Variants in ASPRV1 observed in about 807,000 individuals in gnomAD.
ASPRV1 encodes the protein aspartic peptidase retroviral like 1.
A neutral mutation model predicts 11.0 loss-of-function variants in ASPRV1; 7 were observed. That is an observed-to-expected ratio of 0.64 (90% CI 0.36 to 1.20). The LOEUF is 1.20. ASPRV1 is among the 50% of genes most tolerant of loss of function. ASPRV1 has a pLI of 0.02. For missense variants in ASPRV1, 299 were observed against 320.0 expected (o/e 0.93, Z 0.50); for synonymous variants, 136 against 138.4 (o/e 0.98, Z 0.12).
the ASPRV1 span, among the ~76,000 whole-genome samples, chr2:70,038,398 C>G: frequency 2.0e-5 from 3 of 152,086 alleles, no homozygotes; most frequent in Non-Finnish European, 4.4e-5. Context: ...GGCAACATAC[C>G]AAGACCCTGT....
chr2:69,938,345 G>T, the ASPRV1 span: 2 of 1,540,714 alleles, frequency 1.3e-6, no homozygotes, highest in African/African-American at 1.4e-5. Flanking sequence ...ATTAGGTAAC[G>T]TATTGGACCT....
chr2:69,982,364 G>A, the ASPRV1 span, among the ~76,000 whole-genome samples: 110 of 152,216 alleles, frequency 7.2e-4, no homozygotes, highest in African/African-American at 2.4e-3. Context: ...GCTGAGGAGG[G>A]AGGATCACTC....
upstream of ASPRV1, chr2:69,964,857 CTGTT>C (rs1370067431): frequency 6.6e-6 from 1 of 152,642 alleles, no homozygotes; most frequent in African/African-American, 2.4e-5. Flanking sequence ...TTCTTTTCTG[CTGTT>C]TTTTTGAAAT....
the ASPRV1 span, chr2:70,014,449 G>A: frequency 6.6e-6 from 1 of 152,086 alleles, no homozygotes; most frequent in African/African-American, 2.4e-5. Context: ...GAAAAAAAAG[G>A]AGACATATGG....
chr2:69,940,916 A>G, the ASPRV1 span: 3 of 152,634 alleles, frequency 2.0e-5, no homozygotes, highest in African/African-American at 7.2e-5. Context: ...TGATTCGCCA[A>G]TTTGTCCTCT....
the ASPRV1 span, among the ~76,000 whole-genome samples, chr2:70,028,934 C>T: frequency 1.3e-5 from 2 of 150,702 alleles, no homozygotes; most frequent in Admixed American, 6.6e-5. Context: ...AGAGAGACTC[C>T]GTCTCCAAAA....
chr2:70,059,096 G>A, the ASPRV1 span, among the ~76,000 whole-genome samples: 4 of 150,318 alleles, frequency 2.7e-5, no homozygotes, highest in African/African-American at 9.8e-5. Flanking sequence ...TTTTCACCAC[G>A]TTAGCCAGGA....
At position 69,961,621 on chromosome 2, in the gene ASPRV1, G is replaced by A; in HGVS notation, c.-185C>T. On this transcript the variant is annotated 5_prime_UTR_variant, in exon 1 of 1. Coordinates refer to ENST00000320256, the MANE Select transcript of ASPRV1 (RefSeq NM_152792.4). The stretch of plus-strand genomic sequence containing the variant: ...CTGGCTGACTGCTGGGGCAGAGGCA[G>A]GCAGTGCTGTGGCCTGTTCACTCTG... The A allele has an allele frequency of 6.2e-7, 1 of 1,607,626 alleles. No homozygotes were observed. The highest frequency in any genetic ancestry group is 8.5e-7 in the Non-Finnish European group (1 of 1,176,380).
chr2:69,988,202 ATAT>A, the ASPRV1 span, among the ~76,000 whole-genome samples: 2 of 152,240 alleles, frequency 1.3e-5, no homozygotes, highest in Non-Finnish European at 2.9e-5. Context: ...ATTCAAACAG[ATAT>A]TTGCGCACCC....
the ASPRV1 span, chr2:70,086,438 C>G: frequency 3.9e-5 from 6 of 152,278 alleles, no homozygotes; most frequent in African/African-American, 1.4e-4. Context: ...AACTCATAGG[C>G]CAGCGTCTTG....
the ASPRV1 span, among the ~76,000 whole-genome samples, chr2:70,012,786 T>C: frequency 6.6e-6 from 1 of 152,216 alleles, no homozygotes; most frequent in African/African-American, 2.4e-5. Context: ...ACCTGATTGT[T>C]TGAATTACAA....
chr2:70,077,551 T>C, the ASPRV1 span, among the ~76,000 whole-genome samples: 1 of 152,188 alleles, frequency 6.6e-6, no homozygotes, highest in African/African-American at 2.4e-5. Flanking sequence ...TAAATAGTAT[T>C]TACTTTAAAC....
chr2:70,005,031 C>T, the ASPRV1 span, among the ~76,000 whole-genome samples: 6 of 151,848 alleles, frequency 4.0e-5, no homozygotes, highest in African/African-American at 1.5e-4. Flanking sequence ...CCCATGCCAC[C>T]CTCACACAGA....
the ASPRV1 span, among the ~76,000 whole-genome samples, chr2:70,061,256 A>G: frequency 1.8e-4 from 28 of 152,144 alleles, no homozygotes; most frequent in South Asian, 5.8e-3. Flanking sequence ...TTAGCCGGGC[A>G]TGGTGGCGCA....
chr2:70,047,189 A>C, the ASPRV1 span, among the ~76,000 whole-genome samples: 3 of 152,190 alleles, frequency 2.0e-5, no homozygotes, highest in African/African-American at 7.2e-5. Flanking sequence ...TGGTTCCTGG[A>C]GTTCAGTTTA....
chr2:69,948,920 G>A, the ASPRV1 span, among the ~76,000 whole-genome samples: 1 of 151,950 alleles, frequency 6.6e-6, no homozygotes, highest in Non-Finnish European at 1.5e-5. Context: ...TGGACACCTG[G>A]GGGCCCCCAC....
chr2:69,963,267 T>C (rs143966346), upstream of ASPRV1: 72 of 456,142 alleles, frequency 1.6e-4, no homozygotes, highest in African/African-American at 1.3e-3. Context: ...GGAGGGGAAA[T>C]GGAGTCACCG....
the ASPRV1 span, among the ~76,000 whole-genome samples, chr2:69,969,609 G>A: frequency 6.6e-6 from 1 of 151,972 alleles, no homozygotes; most frequent in Non-Finnish European, 1.5e-5. Context: ...ACACTCTCCA[G>A]GCCAGGGACA....
At chr2:70,001,389 T>C in the ASPRV1 span, among the ~76,000 whole-genome samples, 1 of 150,882 alleles carries the variant, frequency 6.6e-6, no homozygotes, top group Non-Finnish European at 1.5e-5. Context: ...AGTTAGCCAA[T>C]GTGGTGGTGC....
Sources: allele counts gnomAD v4.1 joint callset (sites outside exome capture counted in the v4.1 genomes callset), GRCh38; gene constraint gnomAD v4.1.1; transcripts MANE v1.5; gene names NCBI Gene and HGNC (gene_info 2026-07-23, HGNC 2026-07-21).